Variants in TCERG1L observed in about 807,000 individuals in gnomAD.
The protein encoded by TCERG1L is transcription elongation regulator 1-like protein.
In TCERG1L, 37 loss-of-function variants were observed where a neutral mutation model predicts 56.3. That is an observed-to-expected ratio of 0.66 (90% CI 0.51 to 0.87). The LOEUF (loss-of-function observed/expected upper bound fraction) is 0.87. TCERG1L is among the 40% of genes least tolerant of loss of function. The pLI is 0.00. For synonymous variants in TCERG1L, 324 were observed against 326.3 expected (o/e 0.99, Z 0.08); for missense variants, 799 against 774.2 (o/e 1.03, Z -0.38).
intron 3 of TCERG1L, among the ~76,000 whole-genome samples, chr10:131,299,101 T>C (rs981785948): frequency 2.6e-5 from 4 of 152,246 alleles, no homozygotes; most frequent in Admixed American, 6.5e-5. Context: ...GTAATACTTT[T>C]TGTTCTGAAA....
At chr10:131,165,402 A>G (rs558190241) in intron 5 of TCERG1L, among the ~76,000 whole-genome samples, 3 of 152,366 alleles carry the variant, frequency 2.0e-5, no homozygotes, top group African/African-American at 7.2e-5. Context: ...TATTTTACAC[A>G]TGATTTGTAA....
intron 4 of TCERG1L, among the ~76,000 whole-genome samples, chr10:131,254,418 A>G (rs1255769346): frequency 6.6e-6 from 1 of 151,684 alleles, no homozygotes; most frequent in Non-Finnish European, 1.5e-5. Context: ...TCCCAAGCTC[A>G]AGGGATCTTC....
intron 7 of TCERG1L, among the ~76,000 whole-genome samples, chr10:131,142,684 G>A (rs1845751368): frequency 6.6e-6 from 1 of 152,076 alleles, no homozygotes; most frequent in African/African-American, 2.4e-5. Flanking sequence ...GACCCGCCGG[G>A]GTGCAAATCC....
At chr10:131,253,265 C>G (rs1846130804) in intron 4 of TCERG1L, among the ~76,000 whole-genome samples, 1 of 152,144 alleles carries the variant, frequency 6.6e-6, no homozygotes, top group Non-Finnish European at 1.5e-5. Context: ...GACAATGGTG[C>G]AGAAGAACGA....
In TCERG1L at chr10:131,309,194, T is replaced by C. The variant is rs576330871; in HGVS notation, c.448A>G (p.Ile150Val). 2.5e-5 allele frequency: 41 copies of C among 1,610,764 alleles called. No individual in the cohort carries two copies. The South Asian group carries it at 2.8e-4, about 11-fold the overall frequency. The change falls in exon 2 of 12, where the codon ATT becomes GTT. Residue 150 changes from isoleucine (I) to valine (V), a missense_variant. Coordinates refer to ENST00000368642, the MANE Select transcript of TCERG1L (RefSeq NM_174937.4). ...CTTTTGTCTATCCAACTTTTCCCAATAGGGGTTGCAAGAGCAGAAGGGCAG... is the reference window on the plus strand; with the variant it reads ...CTTTTGTCTATCCAACTTTTCCCAACAGGGGTTGCAAGAGCAGAAGGGCAG... Reference protein sequence around the residue: ...HLCPSALATPIGKSWIDKRIP... With the variant: ...HLCPSALATPVGKSWIDKRIP...
At chr10:131,276,025 G>C (rs574658702) in intron 3 of TCERG1L, among the ~76,000 whole-genome samples, 1 of 152,220 alleles carries the variant, frequency 6.6e-6, no homozygotes, top group Non-Finnish European at 1.5e-5. Context: ...GCAGGATCCT[G>C]CTCCAAGGCC....
At chr10:131,141,085 A>T (rs1165233221) in intron 7 of TCERG1L, among the ~76,000 whole-genome samples, 1 of 152,176 alleles carries the variant, frequency 6.6e-6, no homozygotes, top group East Asian at 1.9e-4. Context: ...TGGACCTGAC[A>T]CGGCCACTTT....
chr10:131,096,876 T>A (rs1845253366), intron 11 of TCERG1L, among the ~76,000 whole-genome samples: 1 of 122,466 alleles, frequency 8.2e-6, no homozygotes, highest in Non-Finnish European at 1.7e-5. Flanking sequence ...ACAGAGCGAC[T>A]CCATCTCAAA....
intron 6 of TCERG1L, chr10:131,161,454 C>T (rs1044266355): frequency 6.6e-6 from 1 of 152,226 alleles, no homozygotes; most frequent in Admixed American, 6.5e-5. Flanking sequence ...ATTCCTGACA[C>T]AGAGCTTCCC....
chr10:131,285,445 CAAAG>C (rs1846514551), intron 3 of TCERG1L, among the ~76,000 whole-genome samples: 3 of 92,666 alleles, frequency 3.2e-5, no homozygotes, highest in Non-Finnish European at 4.4e-5. Flanking sequence ...GAAAGAGAAA[CAAAG>C]AAAGAGAGAG....
chr10:131,166,802 C>G lies in TCERG1L; in HGVS notation c.940G>C (p.Asp314His). ...ACACGAGCCCCGAAACTGACCTTGTCTTCTTTGTCTCCATCCCGGCTCTTC... is the reference window on the plus strand; with the variant it reads ...ACACGAGCCCCGAAACTGACCTTGTGTTCTTTGTCTCCATCCCGGCTCTTC... ...AQKSRDGDKEDKEPPPMLGGG... is the reference protein window; with the variant it reads ...AQKSRDGDKEHKEPPPMLGGG... Residue 314 changes from aspartate (D) to histidine (H), a missense_variant, in exon 5 of 12, where the codon GAC (aspartate) becomes CAC (histidine). Asp to His is a moderately conservative substitution (Grantham distance 81, BLOSUM62 -1). Transcript: ENST00000368642. 6.2e-7 allele frequency: 1 copy of G among 1,613,992 alleles called. No individual in the cohort carries two copies. The highest frequency in any genetic ancestry group is 1.3e-5 in the African/African-American group (1 of 75,072).
At chr10:131,194,910 T>C (rs758486803) in intron 4 of TCERG1L, among the ~76,000 whole-genome samples, 1 of 152,244 alleles carries the variant, frequency 6.6e-6, no homozygotes, top group Non-Finnish European at 1.5e-5. Context: ...CATGCTATTT[T>C]AAGATCAAGG....
chr10:131,308,433 C>A, intron 2 of TCERG1L, 42 bp from the exon 3 acceptor site: 1 of 1,555,752 alleles, frequency 6.4e-7, no homozygotes, highest in Non-Finnish European at 8.8e-7. Flanking sequence ...AGGCAAGGTG[C>A]ATGATAAAAG....
At chr10:131,287,293 T>C (rs1387694879) in intron 3 of TCERG1L, among the ~76,000 whole-genome samples, 1 of 152,204 alleles carries the variant, frequency 6.6e-6, no homozygotes, top group Admixed American at 6.5e-5. Flanking sequence ...CTTAATAGTC[T>C]CAACACTAAC....
intron 7 of TCERG1L, among the ~76,000 whole-genome samples, chr10:131,135,277 G>A (rs980622305): frequency 1.3e-5 from 2 of 152,118 alleles, no homozygotes; most frequent in African/African-American, 2.4e-5. Context: ...AACTAGTCTG[G>A]GCTGGGCAGA....
intron 4 of TCERG1L, among the ~76,000 whole-genome samples, chr10:131,243,906 G>T (rs1846000083): frequency 1.3e-5 from 2 of 152,216 alleles, no homozygotes; most frequent in Non-Finnish European, 2.9e-5. Context: ...TCAAATTGGA[G>T]ATTCACAAAA....
chr10:131,193,110 G>C (rs974554533), intron 4 of TCERG1L, among the ~76,000 whole-genome samples: 1 of 152,180 alleles, frequency 6.6e-6, no homozygotes, highest in Non-Finnish European at 1.5e-5. Context: ...GATGACAAGT[G>C]ATGTTAAGTA....
rs776419404 is a variant in TCERG1L, at chr10:131,146,555, G to A, written c.1140C>T (p.Asn380=). 2.5e-6 allele frequency: 4 copies of A among 1,613,886 alleles called. No individual in the cohort carries two copies. Among genetic ancestry groups the A allele is most frequent in the Non-Finnish European group, 3.4e-6 (4 of 1,179,818 alleles). The part of the protein sequence containing the change: ...PMDLKDRGDL[N]RIIEDPPHKR... Reference sequence around the variant, plus strand: ...TGTGGGGCGGGTCCTCAATGATCCTGTTGAGGTCTCCGCGGTCCTTCAGGT... The same window carrying A: ...TGTGGGGCGGGTCCTCAATGATCCTATTGAGGTCTCCGCGGTCCTTCAGGT... The change falls in exon 7 of 12, where the codon AAC becomes AAT. Residue 380 remains asparagine (N), a synonymous_variant. Coordinates refer to ENST00000368642, the MANE Select transcript of TCERG1L (RefSeq NM_174937.4).
chr10:131,196,507 G>A (rs1474745526), intron 4 of TCERG1L, among the ~76,000 whole-genome samples: 1 of 152,242 alleles, frequency 6.6e-6, no homozygotes, highest in Non-Finnish European at 1.5e-5. Flanking sequence ...CAACCTCGAT[G>A]TGCAGGTGCT....
Sources: allele counts gnomAD v4.1 joint callset (sites outside exome capture counted in the v4.1 genomes callset), GRCh38; gene constraint gnomAD v4.1.1; transcripts MANE v1.5; gene names NCBI Gene and HGNC (gene_info 2026-07-23, HGNC 2026-07-21).